MRPS10: variants seen among roughly 807,000 people sequenced by gnomAD.
MRPS10 encodes mitochondrial ribosomal protein S10.
A neutral mutation model predicts 27.5 loss-of-function variants in MRPS10; 23 were observed. The ratio of observed to expected loss-of-function variants is 0.84; its 90% CI spans 0.60 to 1.18. MRPS10 has a LOEUF of 1.18. Among genes scored for constraint, MRPS10 ranks in the 50% most tolerant of loss-of-function variants. The pLI, the probability that MRPS10 is intolerant of heterozygous loss-of-function variation, is 0.00. For missense variants in MRPS10, 237 were observed against 240.1 expected, an observed-to-expected ratio of 0.99 and a Z score of 0.09; for synonymous variants, 88 against 84.2, an observed-to-expected ratio of 1.04 and a Z score of -0.25.
At chr6:42,209,592 A>G (rs1205872439) in intron 5 of MRPS10, among the ~76,000 whole-genome samples, 1 of 151,940 alleles carries the variant, frequency 6.6e-6, no homozygotes, top group African/African-American at 2.4e-5. Flanking sequence ...TACTAAAAAT[A>G]CAAAAATTAG....
At position 42,210,470 on chromosome 6, in the gene MRPS10, T is replaced by G. The variant is rs969191283; in HGVS notation, c.432+18A>C. 1 of 1,319,560 alleles carries G rather than the reference T, an allele frequency of 7.6e-7. No homozygotes were observed. Among genetic ancestry groups the G allele is most frequent in the African/African-American group, 1.5e-5 (1 of 65,492 alleles). The allele number at this position is 1,319,560 out of a possible 1,614,324, so 81.7% of individuals were successfully genotyped here. On this transcript the variant is annotated intron_variant, in intron 5 of 6. Transcript: ENST00000053468. ...TTTTGGTATTTCAAAAATGCCAGAA[T>G]TTCTCAAATACACTCACCTCTAAAC... is the stretch of plus-strand genomic sequence containing the variant.
At chr6:42,212,040 G>T (rs1339319703) in intron 3 of MRPS10, 123 bp from the exon 4 acceptor site, 4 of 807,686 alleles carry the variant, frequency 5.0e-6, no homozygotes, top group Middle Eastern at 2.5e-4. Flanking sequence ...AAAACACTGA[G>T]TGACGGCAGT....
intron 1 of MRPS10, 53 bp downstream of exon 1, chr6:42,217,749 T>C: frequency 6.3e-7 from 1 of 1,594,384 alleles, no homozygotes; most frequent in Non-Finnish European, 8.6e-7. Flanking sequence ...GCAGGGAAAC[T>C]TAAAAGCAAC....
intron 5 of MRPS10, among the ~76,000 whole-genome samples, chr6:42,209,888 T>G (rs565222527): frequency 6.6e-5 from 10 of 152,298 alleles, no homozygotes; most frequent in African/African-American, 1.7e-4. Context: ...ACTTACTATG[T>G]GATCAAAGTA....
intron 3 of MRPS10, among the ~76,000 whole-genome samples, chr6:42,212,625 A>C (rs1562073175): frequency 6.6e-6 from 1 of 152,198 alleles, no homozygotes; most frequent in Non-Finnish European, 1.5e-5. Context: ...GACATTTTTG[A>C]CTTTCTTCCA....
chr6:42,217,086 A>AT (rs1243106520), intron 1 of MRPS10, among the ~76,000 whole-genome samples: 1 of 152,166 alleles, frequency 6.6e-6, no homozygotes, highest in Non-Finnish European at 1.5e-5. Flanking sequence ...AATGTAAAAC[A>AT]TTGCTGCTCC....
chr6:42,212,106 A>G (rs1768798300), intron 3 of MRPS10, among the ~76,000 whole-genome samples, 189 bp from the exon 4 acceptor site: 1 of 152,246 alleles, frequency 6.6e-6, no homozygotes, highest in African/African-American at 2.4e-5. Context: ...GAGCCTCAGA[A>G]TCTGTTAAAA....
chr6:42,213,341 C>T (rs1211453702), intron 3 of MRPS10, among the ~76,000 whole-genome samples: 3 of 152,024 alleles, frequency 2.0e-5, no homozygotes, highest in Admixed American at 6.6e-5. Context: ...CCCAGCTAGT[C>T]GGGAGGCTAA....
chr6:42,214,004 T>C (rs757391176), intron 3 of MRPS10, 116 bp downstream of exon 3: 1 of 748,104 alleles, frequency 1.3e-6, no homozygotes, highest in Non-Finnish European at 2.2e-6. Flanking sequence ...TTTGCCAGTA[T>C]TCTAGGACAA....
chr6:42,217,221 A>G (rs1768966982), intron 1 of MRPS10, among the ~76,000 whole-genome samples: 1 of 152,234 alleles, frequency 6.6e-6, no homozygotes, highest in African/African-American at 2.4e-5. Context: ...AAATATAGAT[A>G]GCAAAAACCC....
intron 5 of MRPS10, among the ~76,000 whole-genome samples, chr6:42,209,349 A>G (rs1768704236): frequency 6.6e-6 from 1 of 152,176 alleles, no homozygotes; most frequent in Non-Finnish European, 1.5e-5. Flanking sequence ...AACTGAAGAC[A>G]AAAGGACTAA....
At chr6:42,214,080 C>T in intron 3 of MRPS10, 40 bp downstream of exon 3, 1 of 1,500,366 alleles carries the variant, frequency 6.7e-7, no homozygotes, top group Non-Finnish European at 9.1e-7. Flanking sequence ...AAACCTATTG[C>T]CAAGGTAGCT....
intron 1 of MRPS10, among the ~76,000 whole-genome samples, chr6:42,215,175 A>G (rs6458276): frequency 0.86 from 130,895 of 151,404 alleles, 56,665 homozygotes; most frequent in East Asian, 0.92. Flanking sequence ...GATCACTTGT[A>G]GTCAGGAGTT....
At chr6:42,210,270 CTGAGT>C (rs1240461311) in intron 5 of MRPS10, among the ~76,000 whole-genome samples, 1 of 151,502 alleles carries the variant, frequency 6.6e-6, no homozygotes, top group East Asian at 1.9e-4. Flanking sequence ...ATCTGCATTC[CTGAGT>C]TAAGGTATGC....
intron 3 of MRPS10, among the ~76,000 whole-genome samples, chr6:42,213,055 C>CAGTG (rs1768826966): frequency 6.6e-6 from 1 of 152,176 alleles, no homozygotes; most frequent in South Asian, 2.1e-4. Flanking sequence ...CTTATAAAGA[C>CAGTG]AGTGGCACAC....
In MRPS10 at chr6:42,207,795, T is replaced by A. The variant is rs1280198928; in HGVS notation, c.*494A>T. The A allele has an allele frequency of 6.0e-6, 1 of 165,670 alleles. No homozygotes were observed. Among genetic ancestry groups the A allele is most frequent in the Non-Finnish European group, 1.3e-5 (1 of 78,116 alleles). 10.3% of individuals were successfully genotyped at this position (165,670 alleles called of 1,614,324 possible). The stretch of plus-strand genomic sequence containing the variant: ...CAGTCTTCAAAATGTAATGCTTACA[T>A]GAGATAAAATCGGTTGGTTACCACC... On this transcript the variant is annotated 3_prime_UTR_variant, in exon 7 of 7. Transcript: ENST00000053468.
rs567979377 is a variant in MRPS10 at position 42,216,885 on chromosome 6, C to G, written c.48+917G>C. 4.8e-4 allele frequency among the ~76,000 whole-genome samples: 73 copies of G among 152,280 alleles called. No individual in the cohort carries two copies. The Middle Eastern group carries it at 0.01, about 21-fold the overall frequency. On this transcript the variant is annotated intron_variant, in intron 1 of 6. Transcript: ENST00000053468. ...ACGTCTGTGGGGTCTGAGACACTTT[C>G]AGGGGATCCGGGAAATCAAAACTAT...
At chr6:42,212,736 T>C (rs1293075911) in intron 3 of MRPS10, among the ~76,000 whole-genome samples, 1 of 152,200 alleles carries the variant, frequency 6.6e-6, no homozygotes, top group Non-Finnish European at 1.5e-5. Flanking sequence ...AAAGATTTAC[T>C]TACTAGCCAG....
chr6:42,209,240 C>T (rs536166654), intron 5 of MRPS10, among the ~76,000 whole-genome samples: 3 of 151,994 alleles, frequency 2.0e-5, no homozygotes, highest in South Asian at 2.1e-4. Flanking sequence ...TCAAGTGATC[C>T]GCCTGCCTTG....
Sources: allele counts gnomAD v4.1 joint callset (sites outside exome capture counted in the v4.1 genomes callset), GRCh38; gene constraint gnomAD v4.1.1; transcripts MANE v1.5; gene names NCBI Gene and HGNC (gene_info 2026-07-23, HGNC 2026-07-21).